Variants in CREB5 observed in about 807,000 individuals in gnomAD.
CREB5 encodes the protein cAMP responsive element binding protein 5.
Under a neutral mutation model 57.1 loss-of-function variants are expected in CREB5, and 19 were observed. The ratio of observed to expected loss-of-function variants is 0.33; its 90% CI spans 0.23 to 0.49. The LOEUF is 0.49. Among genes scored for constraint, CREB5 ranks in the 20% least tolerant of loss-of-function variants. The probability of loss-of-function intolerance (pLI) is 0.99; values close to 1 mark genes in which losing one functional copy is unlikely to be tolerated. For missense variants in CREB5, 579 were observed against 671.6 expected, an observed-to-expected ratio of 0.86 and a Z score of 1.52; for synonymous variants, 238 against 238.3, an observed-to-expected ratio of 1.00 and a Z score of 0.01.
chr7:28,642,089 G>A (rs533468357), intron 5 of CREB5, among the ~76,000 whole-genome samples: 27 of 152,308 alleles, frequency 1.8e-4, no homozygotes, highest in Non-Finnish European at 3.5e-4. Context: ...CTGGAACCCC[G>A]TATTAGAGTC....
intron 6 of CREB5, among the ~76,000 whole-genome samples, chr7:28,720,486 T>A (rs1447059764): frequency 6.6e-6 from 1 of 152,214 alleles, no homozygotes; most frequent in Non-Finnish European, 1.5e-5. Flanking sequence ...ACGTCTCAAC[T>A]GACACTGAGT....
At chr7:28,319,774 T>C (rs1785457909) in intron 1 of CREB5, among the ~76,000 whole-genome samples, 1 of 152,152 alleles carries the variant, frequency 6.6e-6, no homozygotes, top group Non-Finnish European at 1.5e-5. Context: ...CCCATGTGCT[T>C]GGGGTAATGT....
chr7:28,366,315 T>C (rs1786586191), intron 1 of CREB5, among the ~76,000 whole-genome samples: 1 of 152,208 alleles, frequency 6.6e-6, no homozygotes, highest in Admixed American at 6.5e-5. Flanking sequence ...ACATAAACAT[T>C]ATAGATTACA....
intron 1 of CREB5, among the ~76,000 whole-genome samples, chr7:28,477,602 A>G (rs545490083): frequency 1.3e-4 from 20 of 152,278 alleles, no homozygotes; most frequent in Non-Finnish European, 2.4e-4. Context: ...GCGTTTGTTT[A>G]TTAATGGCTT....
At chr7:28,341,123 G>A (rs958446235) in intron 1 of CREB5, among the ~76,000 whole-genome samples, 7 of 152,044 alleles carry the variant, frequency 4.6e-5, no homozygotes, top group African/African-American at 1.7e-4. Context: ...TTCTTATGAA[G>A]GTGCTTTGTT....
rs1205804282 is a variant in CREB5 at position 28,700,126 on chromosome 7, T to C, written c.465-18627T>C. ...GCTATGAATGACAGTAGTTGTTTAA[T>C]ATCTTCTTGGCCTTTGTTGACATAT... On this transcript the variant is annotated intron_variant, in intron 5 of 10. Coordinates refer to ENST00000357727, the MANE Select transcript of CREB5 (RefSeq NM_182898.4). Among the ~76,000 whole-genome samples, 4 of 152,214 alleles carry C rather than the reference T, an allele frequency of 2.6e-5. No homozygotes were observed. The East Asian group carries it at 7.7e-4, about 29-fold the overall frequency.
intron 1 of CREB5, among the ~76,000 whole-genome samples, chr7:28,315,201 C>T (rs559390327): frequency 6.6e-6 from 1 of 152,330 alleles, no homozygotes; most frequent in East Asian, 1.9e-4. Context: ...GGGCACAATT[C>T]ATTTGTATTG....
At chr7:28,731,391 C>T (rs1238773429) in intron 7 of CREB5, among the ~76,000 whole-genome samples, 1 of 152,188 alleles carries the variant, frequency 6.6e-6, no homozygotes, top group East Asian at 1.9e-4. Context: ...CTGATCAGAA[C>T]TCCAAATACA....
chr7:28,420,267 C>CT, intron 1 of CREB5, among the ~76,000 whole-genome samples: 1 of 152,198 alleles, frequency 6.6e-6, no homozygotes, highest in South Asian at 2.1e-4. Flanking sequence ...TGCTTTCTTT[C>CT]TTTTTTCCCT....
intron 5 of CREB5, among the ~76,000 whole-genome samples, chr7:28,622,891 C>T (rs1287052209): frequency 6.6e-6 from 1 of 152,030 alleles, no homozygotes; most frequent in Non-Finnish European, 1.5e-5. Flanking sequence ...AAAAATACTC[C>T]CACCTTCTTC....
chr7:28,543,464 A>G (rs1794291179), intron 4 of CREB5, among the ~76,000 whole-genome samples: 1 of 151,880 alleles, frequency 6.6e-6, no homozygotes, highest in South Asian at 2.1e-4. Context: ...TTTTTAAAAT[A>G]CTTAATTATA....
At chr7:28,532,302 A>G (rs986003617) in intron 4 of CREB5, among the ~76,000 whole-genome samples, 7 of 152,194 alleles carry the variant, frequency 4.6e-5, no homozygotes, top group Non-Finnish European at 7.3e-5. Flanking sequence ...CTTGACTGCA[A>G]CCTCATAAGA....
intron 7 of CREB5, among the ~76,000 whole-genome samples, chr7:28,770,331 C>A (rs1313709115): frequency 6.6e-6 from 1 of 152,134 alleles, no homozygotes; most frequent in Non-Finnish European, 1.5e-5. Flanking sequence ...CTTCTAGCTA[C>A]TAGTAAGCTT....
At chr7:28,382,266 T>C (rs887619) in intron 1 of CREB5, among the ~76,000 whole-genome samples, 9,343 of 152,092 alleles carry the variant, frequency 0.061, 734 homozygotes, top group African/African-American at 0.19. Context: ...ATTTTCCCCA[T>C]TCAGTCCACA....
chr7:28,609,302 GAC>G (rs1336534264), intron 5 of CREB5, among the ~76,000 whole-genome samples: 1 of 152,138 alleles, frequency 6.6e-6, no homozygotes, highest in Non-Finnish European at 1.5e-5. Flanking sequence ...CATTGCTTTG[GAC>G]AGTGCTGGGC....
chr7:28,456,882 T>C (rs1790115404), intron 1 of CREB5, among the ~76,000 whole-genome samples: 2 of 152,242 alleles, frequency 1.3e-5, no homozygotes, highest in South Asian at 4.1e-4. Context: ...CTTTCTCTTA[T>C]GTCTTAGTCC....
chr7:28,808,293 A>G (rs1027799668), intron 8 of CREB5, among the ~76,000 whole-genome samples: 1 of 152,204 alleles, frequency 6.6e-6, no homozygotes, highest in Non-Finnish European at 1.5e-5. Context: ...ACTGTGTAAT[A>G]GTCAAAATAG....
At chr7:28,447,694 AT>A (rs1789555071) in intron 1 of CREB5, among the ~76,000 whole-genome samples, 1 of 152,124 alleles carries the variant, frequency 6.6e-6, no homozygotes, top group Non-Finnish European at 1.5e-5. Context: ...GGAGAGCAAG[AT>A]AAAGAACATG....
At chr7:28,754,915 T>C (rs544712435) in intron 7 of CREB5, among the ~76,000 whole-genome samples, 1 of 152,312 alleles carries the variant, frequency 6.6e-6, no homozygotes, top group Admixed American at 6.5e-5. Flanking sequence ...TAACAACAGC[T>C]TTTAAAATCT....
Sources: gnomAD v4.1 joint callset for allele counts (sites outside exome capture counted in the v4.1 genomes callset) on GRCh38, gnomAD v4.1.1 for gene constraint, MANE v1.5 for transcripts, NCBI Gene and HGNC (gene_info 2026-07-23, HGNC 2026-07-21) for gene names.